The following ASPG variants were observed in gnomAD, a reference collection of about 807,000 sequenced individuals.
ASPG encodes asparaginase, also known as 60 kDa lysophospholipase.
ASPG carries 53 observed loss-of-function variants against 63.2 expected under a neutral mutation model. The ratio of observed to expected loss-of-function variants is 0.84; its 90% CI spans 0.67 to 1.05. The LOEUF is 1.05. Ranked by LOEUF, ASPG falls within the 50% of genes least tolerant of loss-of-function variation. The pLI, the probability that ASPG is intolerant of heterozygous loss-of-function variation, is 0.00. For synonymous variants in ASPG, 370 were observed against 355.0 expected, an observed-to-expected ratio of 1.04 and a Z score of -0.48; for missense variants, 741 against 794.4, an observed-to-expected ratio of 0.93 and a Z score of 0.81.
Position 104,110,809 on chromosome 14 carries a change from C to G in ASPG, c.1521-693C>G, listed in dbSNP as rs1055852249. The G allele has an allele frequency of 2.5e-5, 25 of 985,122 alleles. No individual in the cohort carries two copies. Among genetic ancestry groups the G allele is most frequent in the Non-Finnish European group, 2.8e-5 (23 of 829,754 alleles). 61.0% of individuals were successfully genotyped at this position (985,122 alleles called of 1,614,324 possible). A position where few individuals can be genotyped will look rare whatever the true frequency, so the allele number is the denominator to read the frequency against. ...CTTCCCTGCCGGGTCCCCACCTGGC[C>G]TGCTCCTGGCCTCCCCAGGTGGCGA... On this transcript the variant is annotated intron_variant, in intron 13 of 15. Coordinates refer to ENST00000551177, the MANE Select transcript of ASPG (RefSeq NM_001080464.3). The surrounding 1 kb of genome is among the most constrained non-coding windows in gnomAD (Gnocchi z 4.7).
At position 104,097,852 on chromosome 14, in the gene ASPG, G is replaced by A. The variant is rs1418391675; in HGVS notation, c.513+215G>A. On this transcript the variant is annotated intron_variant, in intron 5 of 15. Coordinates refer to ENST00000551177, the MANE Select transcript of ASPG (RefSeq NM_001080464.3). Reference sequence around the variant, plus strand: ...CGTATGGAGGTTCTGCGTTAGAGATGCATATGGAGGTTCTACGTTAGAGAT... The same window carrying A: ...CGTATGGAGGTTCTGCGTTAGAGATACATATGGAGGTTCTACGTTAGAGAT... 2.3e-4 allele frequency among the ~76,000 whole-genome samples: 31 copies of A among 136,612 alleles called. 7 individuals carry two copies. The highest frequency in any genetic ancestry group is 3.0e-4 in the Admixed American group (4 of 13,536). The allele number at this position is 136,612 out of a possible 152,430, so 89.6% of individuals were successfully genotyped here. A position where few individuals can be genotyped will look rare whatever the true frequency, so the allele number is the denominator to read the frequency against.
rs2036984109 is a variant in ASPG at position 104,103,687 on chromosome 14, C to T, written c.753+12C>T. 7.1e-6 allele frequency: 11 copies of T among 1,543,376 alleles called. No individual in the cohort carries two copies. Among genetic ancestry groups the T allele is most frequent in the Non-Finnish European group, 9.6e-6 (11 of 1,143,474 alleles). ...TCCCTGCCGCCCTGGTAGGGACCGC[C>T]CCGGCCATCCTGCCCCTGCAGCCCT... On this transcript the variant is annotated intron_variant, in intron 7 of 15. Coordinates refer to ENST00000551177, the MANE Select transcript of ASPG (RefSeq NM_001080464.3).
chr14:104,095,104 C>T (rs1007775138), intron 3 of ASPG, among the ~76,000 whole-genome samples: 11 of 152,202 alleles, frequency 7.2e-5, no homozygotes, highest in Admixed American at 2.0e-4. Flanking sequence ...TGCTGGTTCC[C>T]GGCCATGGCT....
At chr14:104,107,716 G>C (rs2037199286) in intron 12 of ASPG, among the ~76,000 whole-genome samples, 1 of 152,244 alleles carries the variant, frequency 6.6e-6, no homozygotes, top group African/African-American at 2.4e-5. Flanking sequence ...GGCCCAGCCT[G>C]TGCGTGTGGG....
intron 10 of ASPG, among the ~76,000 whole-genome samples, chr14:104,105,855 C>CT (rs2037102302): frequency 6.6e-6 from 1 of 152,236 alleles, no homozygotes; most frequent in African/African-American, 2.4e-5. Context: ...AGCACGTCCC[C>CT]TGCACAACTG....
chr14:104,089,505 T>C (rs2036304691), intron 1 of ASPG, among the ~76,000 whole-genome samples: 1 of 151,438 alleles, frequency 6.6e-6, no homozygotes, highest in South Asian at 2.1e-4. Context: ...AGTGACAGAG[T>C]GAGACCCTGT....
rs1419382444 is a variant in ASPG, at chr14:104,110,800, C to G, written c.1521-702C>G. 1 of 985,316 alleles carries G rather than the reference C, an allele frequency of 1.0e-6. No homozygotes were observed. The highest frequency in any genetic ancestry group is 1.2e-6 in the Non-Finnish European group (1 of 829,824). The allele number at this position is 985,316 out of a possible 1,614,324, so 61.0% of individuals were successfully genotyped here. A position where few individuals can be genotyped will look rare whatever the true frequency, so the allele number is the denominator to read the frequency against. ...GGGTGGAGCCTTCCCTGCCGGGTCC[C>G]CACCTGGCCTGCTCCTGGCCTCCCC... On this transcript the variant is annotated intron_variant, in intron 13 of 15. Transcript: ENST00000551177. This position sits in a 1 kb window ranked among gnomAD's most constrained non-coding sequence, Gnocchi z 4.7.
intron 5 of ASPG, 32 bp downstream of exon 5, chr14:104,097,669 G>A: frequency 6.5e-7 from 1 of 1,547,344 alleles, no homozygotes; most frequent in Non-Finnish European, 8.7e-7. Flanking sequence ...AGGCGGGGCA[G>A]GTGGGGTGGG....
intron 4 of ASPG, among the ~76,000 whole-genome samples, chr14:104,096,445 T>C (rs574098486): frequency 6.6e-6 from 1 of 152,256 alleles, no homozygotes; most frequent in Middle Eastern, 3.4e-3. Context: ...CCACTCTGCT[T>C]GCCTGGCGCC....
At chr14:104,108,194 C>T (rs190369813) in intron 12 of ASPG, among the ~76,000 whole-genome samples, 101 of 152,030 alleles carry the variant, frequency 6.6e-4, no homozygotes, top group African/African-American at 2.3e-3. Context: ...TTCTTTCCAG[C>T]CTCCTGTGAT....
intron 1 of ASPG, among the ~76,000 whole-genome samples, chr14:104,092,396 G>A (rs1368159665): frequency 1.3e-5 from 2 of 152,182 alleles, no homozygotes; most frequent in African/African-American, 2.4e-5. Flanking sequence ...GGGCCGTCCA[G>A]GTGCGAAATG....
chr14:104,101,949 G>T (rs1245148047), intron 6 of ASPG, among the ~76,000 whole-genome samples: 2 of 152,184 alleles, frequency 1.3e-5, no homozygotes. Flanking sequence ...TCTGCCCCCG[G>T]GTGTGGGGTC....
Position 104,104,355 on chromosome 14 carries a change from G to A in ASPG, c.805G>A (p.Gly269Ser), listed in dbSNP as rs764994445. ...PLKGVVMETFGSGNGPTKPDL... is the reference protein window; with the variant it reads ...PLKGVVMETFSSGNGPTKPDL... ...GAAGGGCGTGGTCATGGAGACCTTCGGTTCAGGGAACGGACCCACCAAGCC... is the reference window on the plus strand; with the variant it reads ...GAAGGGCGTGGTCATGGAGACCTTCAGTTCAGGGAACGGACCCACCAAGCC... Residue 269 changes from glycine to serine, a missense_variant, in exon 8 of 16, where the codon GGT becomes AGT. By Grantham distance (56) the Gly-to-Ser change is moderately conservative. Coordinates refer to ENST00000551177, the MANE Select transcript of ASPG (RefSeq NM_001080464.3). 22 of 1,612,472 alleles carry A rather than the reference G, an allele frequency of 1.4e-5. No homozygotes were observed. Among genetic ancestry groups the A allele is most frequent in the East Asian group, 2.2e-5 (1 of 44,892 alleles).
chr14:104,094,197 C>T (rs1196696542), intron 3 of ASPG, among the ~76,000 whole-genome samples: 1 of 152,000 alleles, frequency 6.6e-6, no homozygotes, highest in Non-Finnish European at 1.5e-5. Context: ...GATGAGGACA[C>T]AACGGGAACA....
intron 13 of ASPG, 119 bp from the exon 14 acceptor site, chr14:104,111,383 G>T: frequency 9.4e-7 from 1 of 1,067,932 alleles, no homozygotes; most frequent in Middle Eastern, 3.1e-4. Flanking sequence ...GTCGCTGCTG[G>T]GTCAGCTGTT....
At position 104,101,860 on chromosome 14, in the gene ASPG, A is replaced by G. The variant is rs561939018; in HGVS notation, c.641-1703A>G. Among the ~76,000 whole-genome samples the G allele has an allele frequency of 2.0e-5, 3 of 152,266 alleles. No homozygotes were observed. The East Asian group carries it at 5.8e-4, about 30-fold the overall frequency. On this transcript the variant is annotated intron_variant, in intron 6 of 15. Coordinates refer to ENST00000551177, the MANE Select transcript of ASPG (RefSeq NM_001080464.3). ...CTGTGCTGAGCTCCCGTATCTGTAG[A>G]ACAGGGCCATAGCCCCTCTTGGGGG...
At position 104,109,919 on chromosome 14, in the gene ASPG, T is replaced by C. The variant is rs2037315359; in HGVS notation, c.1520+604T>C. ...CTCAGGCCTTCTGACATCATGTTGT[T>C]GTTGGGGAGACTGAGGCGCAGGGAG... is the stretch of plus-strand genomic sequence containing the variant. On this transcript the variant is annotated intron_variant, in intron 13 of 15. Transcript: ENST00000551177. The surrounding 1 kb of genome is among the most constrained non-coding windows in gnomAD (Gnocchi z 4.8). 1 of 979,260 alleles carries C rather than the reference T, an allele frequency of 1.0e-6. No homozygotes were observed. The allele number at this position is 979,260 out of a possible 1,614,324, so 60.7% of individuals were successfully genotyped here.
chr14:104,085,886 G>C, intron 1 of ASPG, 34 bp downstream of exon 1: 1 of 1,542,426 alleles, frequency 6.5e-7, no homozygotes, highest in Non-Finnish European at 8.7e-7. Flanking sequence ...GTAGGCCTCT[G>C]GACCTGGCCG....
intron 8 of ASPG, 34 bp downstream of exon 8, chr14:104,104,520 G>A: frequency 6.2e-7 from 1 of 1,604,142 alleles, no homozygotes; most frequent in Non-Finnish European, 8.5e-7. Context: ...AGCGGGGAAG[G>A]GGACAGCCTG....
Sources: gnomAD v4.1 joint callset for allele counts (sites outside exome capture counted in the v4.1 genomes callset) on GRCh38, gnomAD v4.1.1 for gene constraint, Gnocchi (gnomAD v3.1) non-coding constraint, MANE v1.5 for transcripts, NCBI Gene and HGNC (gene_info 2026-07-23, HGNC 2026-07-21) for gene names.